Variants in SEZ6L observed in about 807,000 individuals in gnomAD.
SEZ6L encodes seizure 6-like protein.
SEZ6L carries 37 observed loss-of-function variants against 106.2 expected under a neutral mutation model. That is an observed-to-expected ratio of 0.35 (90% CI 0.27 to 0.46). SEZ6L has a LOEUF of 0.46. SEZ6L is among the 20% of genes least tolerant of loss of function. The probability of loss-of-function intolerance (pLI) is 1.00; values close to 1 mark genes in which losing one functional copy is unlikely to be tolerated. For synonymous variants in SEZ6L, 541 were observed against 570.4 expected (o/e 0.95, Z 0.73); for missense variants, 1,172 against 1,332.8 (o/e 0.88, Z 1.88).
intron 1 of SEZ6L, among the ~76,000 whole-genome samples, chr22:26,196,875 G>C (rs1940614001): frequency 1.3e-5 from 2 of 152,186 alleles, no homozygotes; most frequent in South Asian, 4.1e-4. Flanking sequence ...TGAGTGACTG[G>C]CTGGATCAGA....
At chr22:26,219,735 C>A (rs192266292) in intron 1 of SEZ6L, among the ~76,000 whole-genome samples, 82 of 152,204 alleles carry the variant, frequency 5.4e-4, no homozygotes, top group African/African-American at 1.9e-3. Flanking sequence ...TGCCTGGTGA[C>A]AGCGATGAAA....
intron 1 of SEZ6L, among the ~76,000 whole-genome samples, chr22:26,255,251 C>T (rs1032574631): frequency 2.0e-5 from 3 of 152,134 alleles, no homozygotes; most frequent in South Asian, 2.1e-4. Flanking sequence ...AAGACTTATC[C>T]GTCTAAGGCC....
At chr22:26,306,611 A>G (rs1027392088) in intron 6 of SEZ6L, among the ~76,000 whole-genome samples, 2 of 152,234 alleles carry the variant, frequency 1.3e-5, no homozygotes, top group South Asian at 2.1e-4. Flanking sequence ...ACCAGGCAAT[A>G]TCTAAGCAAG....
At chr22:26,329,796 G>A (rs2082426076) in intron 9 of SEZ6L, among the ~76,000 whole-genome samples, 1 of 152,210 alleles carries the variant, frequency 6.6e-6, no homozygotes, top group South Asian at 2.1e-4. Context: ...GACTGTGTGG[G>A]TGAGGGGATC....
chr22:26,352,630 G>C (rs2083317738), intron 12 of SEZ6L, among the ~76,000 whole-genome samples: 1 of 152,160 alleles, frequency 6.6e-6, no homozygotes, highest in Admixed American at 6.5e-5. Context: ...ATTTAGACGA[G>C]CAAACTGCAG....
At chr22:26,280,483 A>T (rs369670047) in intron 1 of SEZ6L, among the ~76,000 whole-genome samples, 24 of 152,316 alleles carry the variant, frequency 1.6e-4, no homozygotes, top group African/African-American at 5.1e-4. Context: ...TTTGCACGAA[A>T]GGTAGCATAC....
At chr22:26,229,904 C>T (rs1187737734) in intron 1 of SEZ6L, among the ~76,000 whole-genome samples, 4 of 152,242 alleles carry the variant, frequency 2.6e-5, no homozygotes, top group African/African-American at 9.6e-5. Context: ...GGTCCTGCAG[C>T]TATTCCAGAA....
intron 1 of SEZ6L, among the ~76,000 whole-genome samples, chr22:26,279,641 C>T (rs1359300423): frequency 1.3e-5 from 2 of 152,148 alleles, no homozygotes; most frequent in Admixed American, 6.5e-5. Flanking sequence ...AGGATGGGGC[C>T]AGGGCACTTG....
At chr22:26,341,282 AC>A (rs1396088485) in intron 10 of SEZ6L, among the ~76,000 whole-genome samples, 1 of 149,260 alleles carries the variant, frequency 6.7e-6, no homozygotes, top group East Asian at 2.0e-4. Context: ...CAAAAAAAAA[AC>A]CTGCTATCAA....
At chr22:26,356,999 C>T (rs1381732858) in intron 12 of SEZ6L, among the ~76,000 whole-genome samples, 3 of 151,630 alleles carry the variant, frequency 2.0e-5, no homozygotes, top group South Asian at 4.2e-4. Flanking sequence ...TTGCCCAGGC[C>T]GATGTGCAGT....
chr22:26,253,751 G>A (rs1217328677), intron 1 of SEZ6L, among the ~76,000 whole-genome samples: 1 of 152,160 alleles, frequency 6.6e-6, no homozygotes, highest in Non-Finnish European at 1.5e-5. Flanking sequence ...TCCTGTGTAT[G>A]TATAAAAAAC....
Position 26,306,012 on chromosome 22 carries a change from T to C in SEZ6L, c.1382T>C (p.Ile461Thr), listed in dbSNP as rs768343224. The change falls in exon 6 of 17, where the codon ATC becomes ACC. Residue 461 changes from isoleucine (I) to threonine (T), a missense_variant. Ile to Thr is a moderately conservative substitution (Grantham distance 89, BLOSUM62 -1). Around this residue, in one of 4 missense-constraint regions of SEZ6L, gnomAD observed 534 missense variants for 691.0 expected, o/e 0.77. Coordinates refer to ENST00000248933, the MANE Select transcript of SEZ6L (RefSeq NM_021115.5). Reference protein sequence around the residue: ...PCGGAVHNATIGRVLSPSYPE... With the variant: ...PCGGAVHNATTGRVLSPSYPE... ...GGAGGGGCAGTGCACAATGCCACCATCGGCCGCGTCCTCTCCCCAAGTTAC... is the reference window on the plus strand; with the variant it reads ...GGAGGGGCAGTGCACAATGCCACCACCGGCCGCGTCCTCTCCCCAAGTTAC... 8 of 1,450,384 alleles carry C rather than the reference T, an allele frequency of 5.5e-6. No homozygotes were observed. In the African/African-American group the frequency reaches 1.1e-4, roughly 21 times the overall value. 89.8% of individuals were successfully genotyped at this position (1,450,384 alleles called of 1,614,324 possible). A position where few individuals can be genotyped will look rare whatever the true frequency, so the allele number is the denominator to read the frequency against.
intron 1 of SEZ6L, among the ~76,000 whole-genome samples, chr22:26,216,637 C>CTG (rs2078307491): frequency 6.6e-6 from 1 of 151,278 alleles, no homozygotes; most frequent in African/African-American, 2.4e-5. Flanking sequence ...GCCTTGGTGA[C>CTG]AGAGTGAGAC....
intron 13 of SEZ6L, among the ~76,000 whole-genome samples, chr22:26,367,445 G>A (rs1014501540): frequency 2.6e-5 from 4 of 152,122 alleles, no homozygotes; most frequent in East Asian, 1.9e-4. Flanking sequence ...CTGGGCTCAA[G>A]CTATCCTCCT....
intron 9 of SEZ6L, among the ~76,000 whole-genome samples, chr22:26,327,422 C>CAT (rs2082348354): frequency 1.6e-5 from 2 of 121,606 alleles, no homozygotes; most frequent in Non-Finnish European, 3.7e-5. Flanking sequence ...CACACACACA[C>CAT]GCACAAACCA....
intron 1 of SEZ6L, among the ~76,000 whole-genome samples, chr22:26,267,925 C>A (rs913647241): frequency 7.9e-5 from 12 of 152,208 alleles, no homozygotes; most frequent in African/African-American, 2.9e-4. Context: ...GGAAGTCTGG[C>A]TGCATCTGGA....
intron 12 of SEZ6L, among the ~76,000 whole-genome samples, chr22:26,351,942 C>T (rs969553338): frequency 1.3e-5 from 2 of 152,036 alleles, no homozygotes; most frequent in Admixed American, 6.5e-5. Context: ...GCAAACCACT[C>T]GAGCCCAAGA....
At chr22:26,309,904 A>G (rs1000000479) in intron 6 of SEZ6L, among the ~76,000 whole-genome samples, 3 of 141,864 alleles carry the variant, frequency 2.1e-5, no homozygotes, top group African/African-American at 7.9e-5. Flanking sequence ...AATTGTACCC[A>G]TTTTACAGAT....
chr22:26,298,484 T>C (rs921655122), intron 4 of SEZ6L, among the ~76,000 whole-genome samples: 1 of 152,242 alleles, frequency 6.6e-6, no homozygotes, highest in African/African-American at 2.4e-5. Context: ...TGACATCGTT[T>C]TGTAAACTCA....
Sources: allele counts gnomAD v4.1 joint callset (sites outside exome capture counted in the v4.1 genomes callset), GRCh38; gene constraint gnomAD v4.1.1; regional missense constraint gnomAD v4.1.1; transcripts MANE v1.5; gene names NCBI Gene and HGNC (gene_info 2026-07-23, HGNC 2026-07-21).